Variants in TOP3A observed in about 807,000 individuals in gnomAD.
TOP3A encodes the protein DNA topoisomerase 3-alpha.
TOP3A carries 64 observed loss-of-function variants against 111.3 expected under a neutral mutation model. The observed-to-expected ratio is 0.57, with a 90% CI of 0.47 to 0.71. The LOEUF (loss-of-function observed/expected upper bound fraction) is 0.71, where lower values mean the gene tolerates loss of function less well. Ranked by LOEUF, TOP3A falls within the 30% of genes least tolerant of loss-of-function variation. The probability of loss-of-function intolerance (pLI) is 0.00; values close to 1 mark genes in which losing one functional copy is unlikely to be tolerated. For synonymous variants in TOP3A, 484 were observed against 485.1 expected, an observed-to-expected ratio of 1.00 and a Z score of 0.03; for missense variants, 1,104 against 1,285.0, an observed-to-expected ratio of 0.86 and a Z score of 2.15.
chr17:18,311,931 A>G (rs1352926302), intron 1 of TOP3A: 1 of 152,342 alleles, frequency 6.6e-6, no homozygotes, highest in Admixed American at 6.5e-5. Context: ...GGCCAAGGGG[A>G]AGAAGTGGCC....
chr17:18,284,323 A>AT (rs1220527121), intron 15 of TOP3A, among the ~76,000 whole-genome samples: 4 of 151,628 alleles, frequency 2.6e-5, no homozygotes, highest in African/African-American at 9.7e-5. Context: ...TTGTTTGGGG[A>AT]TTTTATGGAG....
Position 18,271,786 on chromosome 17 carries a change from G to A in TOP3A, c.*3016C>T, listed in dbSNP as rs138006416. On this transcript the variant is annotated 3_prime_UTR_variant, in exon 19 of 19. Transcript: ENST00000321105. The stretch of plus-strand genomic sequence containing the variant: ...ATTTAAAAATGGGGGAAGAGACCAG[G>A]TGTGATGGCTCCTGCCTGTTAATCC... The A allele has an allele frequency of 1.5e-5, 7 of 452,036 alleles. No homozygotes were observed. The highest frequency in any genetic ancestry group is 3.2e-5 in the Non-Finnish European group (7 of 221,172). The allele number at this position is 452,036 out of a possible 1,614,324, so 28.0% of individuals were successfully genotyped here.
chr17:18,295,367 C>T (rs1184839765), intron 9 of TOP3A, among the ~76,000 whole-genome samples: 1 of 151,786 alleles, frequency 6.6e-6, no homozygotes, highest in Non-Finnish European at 1.5e-5. Context: ...TGGCTGGTCT[C>T]GAACACCTGA....
intron 18 of TOP3A, among the ~76,000 whole-genome samples, chr17:18,275,817 G>T (rs150904423): frequency 0.026 from 3,872 of 147,626 alleles, 167 homozygotes; most frequent in African/African-American, 0.086. Context: ...CACCATGCCC[G>T]GCTAATTGTT....
At chr17:18,302,457 G>A (rs765250138) in intron 6 of TOP3A, 23 bp from the exon 7 acceptor site, 21 of 1,469,622 alleles carry the variant, frequency 1.4e-5, no homozygotes, top group East Asian at 9.0e-5. Flanking sequence ...GGAGAGTGAA[G>A]GAAGGTGAAA....
chr17:18,273,196 C>T lies in TOP3A; in HGVS notation c.*1606G>A, dbSNP rs1426889922. The T allele has an allele frequency of 2.0e-5, 3 of 152,216 alleles. No homozygotes were observed. The highest frequency in any genetic ancestry group is 2.9e-5 in the Non-Finnish European group (2 of 68,060). The allele number at this position is 152,216 out of a possible 1,614,324, so 9.4% of individuals were successfully genotyped here. A position where few individuals can be genotyped will look rare whatever the true frequency, so the allele number is the denominator to read the frequency against. ...CAGGAGCCCAAGACCTGAGAACAAT[C>T]CTAGTTTCTTCAACAACTAGCAACA... is the stretch of plus-strand genomic sequence containing the variant. On this transcript the variant is annotated 3_prime_UTR_variant, in exon 19 of 19. Transcript: ENST00000321105.
intron 2 of TOP3A, 136 bp downstream of exon 2, chr17:18,308,746 G>A (rs1039165689): frequency 1.9e-6 from 1 of 520,446 alleles, no homozygotes; most frequent in Non-Finnish European, 3.3e-6. Flanking sequence ...ATTATAAAGT[G>A]ATCACCCCAT....
intron 3 of TOP3A, among the ~76,000 whole-genome samples, chr17:18,308,130 C>T (rs578025410): frequency 2.9e-5 from 4 of 136,086 alleles, no homozygotes; most frequent in Admixed American, 7.6e-5. Flanking sequence ...GAGAATCACT[C>T]GAACCCAGGA....
At chr17:18,312,790 C>A in intron 1 of TOP3A, 1 of 202,364 alleles carries the variant, frequency 4.9e-6, no homozygotes, top group Admixed American at 4.5e-5. Context: ...GAGGACGAGG[C>A]ATCTGATGTA....
intron 13 of TOP3A, among the ~76,000 whole-genome samples, chr17:18,286,934 C>T (rs917907982): frequency 1.8e-4 from 28 of 152,274 alleles, no homozygotes; most frequent in Non-Finnish European, 3.7e-4. Context: ...CAGGCGCCTG[C>T]CACCAAGCCC....
Position 18,291,041 on chromosome 17 carries a change from A to G in TOP3A, c.1282-14T>C. ...CTGTTCATCTCCCTAGGAAGAAAAGAGGAGTACGAAACTCCCCCTAGAATA... is the reference window on the plus strand; with the variant it reads ...CTGTTCATCTCCCTAGGAAGAAAAGGGGAGTACGAAACTCCCCCTAGAATA... On this transcript the variant is annotated splice_polypyrimidine_tract_variant and intron_variant, in intron 11 of 18. Transcript: ENST00000321105. 1.9e-6 allele frequency: 3 copies of G among 1,613,224 alleles called. No individual in the cohort carries two copies. The highest frequency in any genetic ancestry group is 2.5e-6 in the Non-Finnish European group (3 of 1,179,544).
intron 4 of TOP3A, among the ~76,000 whole-genome samples, chr17:18,305,829 C>T (rs896256824): frequency 6.6e-5 from 10 of 151,258 alleles, no homozygotes; most frequent in African/African-American, 2.2e-4. Flanking sequence ...CAGAGCAAGA[C>T]TCCATCTCAA....
chr17:18,277,935 G>A lies in TOP3A; in HGVS notation c.2567C>T (p.Ala856Val). 6.2e-6 allele frequency: 10 copies of A among 1,613,956 alleles called. No homozygotes were observed. Among genetic ancestry groups the A allele is most frequent in the Non-Finnish European group, 7.6e-6 (9 of 1,180,032 alleles). ...ATATGCCAAGGCAGGAGGCCCTCCT[G>A]CTCCCGGATTGGGGCTGTCTGCCCA... ...FLWADSPNPG[A>V]GGPPALAYRP... The change falls in exon 18 of 19, where the codon GCA becomes GTA. Residue 856 changes from alanine (A) to valine (V), a missense_variant. Ala to Val is a moderately conservative substitution (Grantham distance 64, BLOSUM62 0). Transcript: ENST00000321105.
chr17:18,311,447 C>T (rs968110293), intron 1 of TOP3A, among the ~76,000 whole-genome samples: 1 of 152,176 alleles, frequency 6.6e-6, no homozygotes, highest in African/African-American at 2.4e-5. Flanking sequence ...GACCCCGCCA[C>T]CACACCTGGC....
At chr17:18,280,174 A>AT (rs10668277) in intron 17 of TOP3A, 41 of 148,524 alleles carry the variant, frequency 2.8e-4, no homozygotes, top group African/African-American at 4.4e-4. Flanking sequence ...TTAAATAAAA[A>AT]TTTTTTTTTT....
At chr17:18,299,996 T>C (rs1344939768) in intron 8 of TOP3A, among the ~76,000 whole-genome samples, 2 of 152,192 alleles carry the variant, frequency 1.3e-5, no homozygotes, top group Non-Finnish European at 2.9e-5. Flanking sequence ...GGTCTTGCTA[T>C]GTTGCCCAGG....
At chr17:18,287,505 G>T (rs1254745916) in intron 13 of TOP3A, among the ~76,000 whole-genome samples, 1 of 151,178 alleles carries the variant, frequency 6.6e-6, no homozygotes, top group Non-Finnish European at 1.5e-5. Context: ...CAGCCTGGGT[G>T]ACAGAGTAAG....
In TOP3A at chr17:18,285,194, G is replaced by C; in HGVS notation, c.1825C>G (p.Gln609Glu). ...AAAACCTGCTTGTATTTCTGCACTT[G>C]CTGCCTTAGAACCACAAATTTGTCC... ...KKDKFVVLRQ[Q>E]VQKYKQVFIE... The change falls in exon 15 of 19, where the codon CAA becomes GAA. Residue 609 changes from glutamine (Q) to glutamate (E), a missense_variant. Gln to Glu is a conservative substitution (Grantham distance 29). Coordinates refer to ENST00000321105, the MANE Select transcript of TOP3A (RefSeq NM_004618.5). 1 of 1,614,202 alleles carries C rather than the reference G, an allele frequency of 6.2e-7. No homozygotes were observed. The highest frequency in any genetic ancestry group is 1.1e-5 in the South Asian group (1 of 91,084).
At chr17:18,285,597 A>AC in intron 13 of TOP3A, 77 bp from the exon 14 acceptor site, 1 of 1,246,152 alleles carries the variant, frequency 8.0e-7, no homozygotes, top group Non-Finnish European at 1.2e-6. Flanking sequence ...CACCTTGCTC[A>AC]CCCCGGAATC....
Sources: allele counts gnomAD v4.1 joint callset (sites outside exome capture counted in the v4.1 genomes callset), GRCh38; gene constraint gnomAD v4.1.1; transcripts MANE v1.5; gene names NCBI Gene and HGNC (gene_info 2026-07-23, HGNC 2026-07-21).